Variants in RAB30 observed in about 807,000 individuals in gnomAD.
RAB30 encodes ras-related protein Rab-30.
Under a neutral mutation model 25.1 loss-of-function variants are expected in RAB30, and 9 were observed. The observed-to-expected ratio is 0.36, with a 90% CI of 0.22 to 0.63. The LOEUF is 0.63. Ranked by LOEUF, RAB30 falls within the 20% of genes least tolerant of loss-of-function variation. RAB30 has a pLI of 0.69. For synonymous variants in RAB30, 77 were observed against 86.4 expected, an observed-to-expected ratio of 0.89 and a Z score of 0.60; for missense variants, 140 against 243.5, an observed-to-expected ratio of 0.58 and a Z score of 2.83.
intron 3 of RAB30, among the ~76,000 whole-genome samples, chr11:82,991,626 T>C (rs1856853159): frequency 1.3e-5 from 2 of 151,858 alleles, no homozygotes. Flanking sequence ...GGCCCTTAAA[T>C]TCATGTGGTT....
chr11:82,992,736 A>AACACACACAC (rs113845129), intron 3 of RAB30, among the ~76,000 whole-genome samples: 6,442 of 131,122 alleles, frequency 0.049, 207 homozygotes, highest in Admixed American at 0.059. Flanking sequence ...CTCTGTCACC[A>AACACACACAC]ACACACACAC....
Position 82,974,823 on chromosome 11 carries a change from C to T in RAB30, c.*7342G>A, listed in dbSNP as rs950915176. On this transcript the variant is annotated 3_prime_UTR_variant, in exon 5 of 5. Transcript: ENST00000527633. ...TTTTGCATTTTATTTCATCTCTATA[C>T]TAAAAGTCATGCATTAAAAGTGTGT... 2.6e-5 allele frequency: 4 copies of T among 152,064 alleles called. No homozygotes were observed. The highest frequency in any genetic ancestry group is 9.6e-5 in the African/African-American group (4 of 41,518). The allele number at this position is 152,064 out of a possible 1,614,324, so 9.4% of individuals were successfully genotyped here. A position where few individuals can be genotyped will look rare whatever the true frequency, so the allele number is the denominator to read the frequency against.
At chr11:83,032,566 G>A (rs1857891518) in intron 1 of RAB30, among the ~76,000 whole-genome samples, 2 of 152,148 alleles carry the variant, frequency 1.3e-5, no homozygotes, top group Admixed American at 1.3e-4. Flanking sequence ...CTGGCCTCAA[G>A]AAATCCTCCA....
chr11:82,993,271 G>T (rs1180632670), intron 3 of RAB30, among the ~76,000 whole-genome samples: 1 of 152,160 alleles, frequency 6.6e-6, no homozygotes, highest in Non-Finnish European at 1.5e-5. Context: ...TTGGTGAAAT[G>T]GGTTCAAATC....
chr11:83,033,832 G>T (rs1857929949), intron 1 of RAB30, among the ~76,000 whole-genome samples: 1 of 151,966 alleles, frequency 6.6e-6, no homozygotes, highest in Non-Finnish European at 1.5e-5. Context: ...AGCCCCTTGG[G>T]CATATGAGGG....
intron 1 of RAB30, 135 bp from the exon 2 acceptor site, chr11:82,997,459 C>A: frequency 1.6e-6 from 1 of 638,276 alleles, no homozygotes; most frequent in South Asian, 1.9e-5. Context: ...CCTCCGGTGA[C>A]CCTGCCAGCT....
At chr11:83,013,058 C>T (rs1857338776) in intron 1 of RAB30, among the ~76,000 whole-genome samples, 1 of 152,082 alleles carries the variant, frequency 6.6e-6, no homozygotes, top group Non-Finnish European at 1.5e-5. Flanking sequence ...TCTCCATAGA[C>T]ACTTTTTTTT....
chr11:82,999,338 G>C (rs1174260475), intron 1 of RAB30, among the ~76,000 whole-genome samples: 4 of 152,190 alleles, frequency 2.6e-5, no homozygotes, highest in Non-Finnish European at 5.9e-5. Context: ...AATGGAGCCA[G>C]AGAGACCAAG....
chr11:83,063,946 G>A (rs147693310), intron 1 of RAB30, among the ~76,000 whole-genome samples: 1 of 152,206 alleles, frequency 6.6e-6, no homozygotes, highest in East Asian at 1.9e-4. Context: ...AAGAGAACAA[G>A]CAGAATTACA....
At position 82,979,230 on chromosome 11, in the gene RAB30, C is replaced by G. The variant is rs554143558; in HGVS notation, c.*2935G>C. The G allele has an allele frequency of 6.6e-6, 1 of 152,248 alleles. No individual in the cohort carries two copies. The highest frequency in any genetic ancestry group is 2.4e-5 in the African/African-American group (1 of 41,546). The allele number at this position is 152,248 out of a possible 1,614,324, so 9.4% of individuals were successfully genotyped here. Reference sequence around the variant, plus strand: ...GATTTTCCCAAGCCTGACTCCATGACATGAGTATCATGCATTTTCACTGGA... The same window carrying G: ...GATTTTCCCAAGCCTGACTCCATGAGATGAGTATCATGCATTTTCACTGGA... On this transcript the variant is annotated 3_prime_UTR_variant, in exon 5 of 5. Coordinates refer to ENST00000527633, the MANE Select transcript of RAB30 (RefSeq NM_001286060.2).
At chr11:82,990,063 C>T (rs938434674) in intron 3 of RAB30, among the ~76,000 whole-genome samples, 7 of 152,308 alleles carry the variant, frequency 4.6e-5, no homozygotes, top group Non-Finnish European at 7.3e-5. Flanking sequence ...AGGAAGAGAG[C>T]GTCTCCTGCT....
intron 2 of RAB30, 33 bp downstream of exon 2, chr11:82,997,191 T>C (rs781334218): frequency 1.5e-5 from 24 of 1,551,530 alleles, no homozygotes; most frequent in Non-Finnish European, 2.0e-5. Flanking sequence ...AACCCAACCC[T>C]GGGCTTACGA....
intron 1 of RAB30, among the ~76,000 whole-genome samples, chr11:83,062,064 T>G (rs1426607399): frequency 1.3e-5 from 2 of 151,996 alleles, no homozygotes; most frequent in Non-Finnish European, 2.9e-5. Context: ...CCTGGCTTCA[T>G]GAAGCTTATA....
At chr11:82,993,955 A>T (rs116840426) in intron 3 of RAB30, 84 bp downstream of exon 3, 1 of 1,095,458 alleles carries the variant, frequency 9.1e-7, no homozygotes, top group East Asian at 2.5e-5. Context: ...CAATTAGGAG[A>T]TTTAATAAAT....
In RAB30 at chr11:82,973,508, G is replaced by T. The variant is rs1307753276; in HGVS notation, c.*8657C>A. 6.6e-6 allele frequency: 1 copy of T among 152,172 alleles called. No homozygotes were observed. Among genetic ancestry groups the T allele is most frequent in the Non-Finnish European group, 1.5e-5 (1 of 68,022 alleles). 9.4% of individuals were successfully genotyped at this position (152,172 alleles called of 1,614,324 possible). ...GTCCTTTAAACAATGCAGAGGACAA[G>T]AAATCCTCTATGTGATGGCAACTCA... On this transcript the variant is annotated 3_prime_UTR_variant, in exon 5 of 5. Coordinates refer to ENST00000527633, the MANE Select transcript of RAB30 (RefSeq NM_001286060.2).
chr11:83,050,979 G>A (rs1260633285), intron 1 of RAB30, among the ~76,000 whole-genome samples: 1 of 152,146 alleles, frequency 6.6e-6, no homozygotes, highest in Non-Finnish European at 1.5e-5. Flanking sequence ...AACTAGCTAG[G>A]TGCTCACCAA....
intron 1 of RAB30, among the ~76,000 whole-genome samples, chr11:83,062,903 T>C (rs966752925): frequency 2.0e-5 from 3 of 150,294 alleles, no homozygotes; most frequent in African/African-American, 7.4e-5. Context: ...CTCGGTAGGC[T>C]GAGGCAAGAG....
intron 1 of RAB30, among the ~76,000 whole-genome samples, chr11:83,068,210 A>G (rs1221411780): frequency 6.6e-6 from 1 of 151,836 alleles, no homozygotes; most frequent in African/African-American, 2.4e-5. Flanking sequence ...AGGCAGGAGA[A>G]CTGCTTGAAC....
intron 1 of RAB30, among the ~76,000 whole-genome samples, chr11:83,070,772 C>T (rs1858821461): frequency 6.6e-6 from 1 of 152,224 alleles, no homozygotes; most frequent in South Asian, 2.1e-4. Context: ...TCCATGGGCA[C>T]CTTTCAGTAA....
Sources: allele counts gnomAD v4.1 joint callset (sites outside exome capture counted in the v4.1 genomes callset), GRCh38; gene constraint gnomAD v4.1.1; transcripts MANE v1.5; gene names NCBI Gene and HGNC (gene_info 2026-07-23, HGNC 2026-07-21).